SORCS1: variants seen among roughly 807,000 people sequenced by gnomAD.
SORCS1 encodes sortilin related VPS10 domain containing receptor 1.
A neutral mutation model predicts 146.1 loss-of-function variants in SORCS1; 60 were observed. The ratio of observed to expected loss-of-function variants is 0.41; its 90% CI spans 0.33 to 0.51. The LOEUF (loss-of-function observed/expected upper bound fraction) is 0.51, where lower values mean the gene tolerates loss of function less well. Among genes scored for constraint, SORCS1 ranks in the 20% least tolerant of loss-of-function variants. The probability of loss-of-function intolerance (pLI) is 0.21; values close to 1 mark genes in which losing one functional copy is unlikely to be tolerated. For synonymous variants in SORCS1, 637 were observed against 584.0 expected (o/e 1.09, Z -1.31); for missense variants, 1,352 against 1,487.6 (o/e 0.91, Z 1.50).
At chr10:107,082,492 T>A (rs1378805005) in intron 1 of SORCS1, among the ~76,000 whole-genome samples, 1 of 152,142 alleles carries the variant, frequency 6.6e-6, no homozygotes, top group Non-Finnish European at 1.5e-5. Context: ...TTTTTGTTTT[T>A]TTAGAGACAG....
At chr10:106,938,708 A>G (rs1180018224) in intron 2 of SORCS1, among the ~76,000 whole-genome samples, 1 of 152,256 alleles carries the variant, frequency 6.6e-6, no homozygotes. Context: ...AACTACTCAA[A>G]TAAACAAACA....
chr10:106,854,418 T>C (rs1353081664), intron 2 of SORCS1, among the ~76,000 whole-genome samples: 1 of 152,042 alleles, frequency 6.6e-6, no homozygotes, highest in African/African-American at 2.4e-5. Context: ...AATCTCTGTC[T>C]TAATTGGTAT....
rs59361215 is a variant in SORCS1 at position 107,040,248 on chromosome 10, T to G, written c.559-83668A>C. ...TGCTTTAACTAATGGCCCAGGGTTT[T>G]GGGGTTTTTTTAGTTTTCTTCTTGC... On this transcript the variant is annotated intron_variant, in intron 1 of 25. Transcript: ENST00000263054. 7.2e-5 allele frequency among the ~76,000 whole-genome samples: 11 copies of G among 152,290 alleles called. No individual in the cohort carries two copies. The East Asian group carries it at 2.1e-3, about 29-fold the overall frequency.
At chr10:106,999,907 G>C (rs1957147479) in intron 1 of SORCS1, among the ~76,000 whole-genome samples, 2 of 150,052 alleles carry the variant, frequency 1.3e-5, no homozygotes, top group South Asian at 2.1e-4. Context: ...AATATACCTG[G>C]ATCATGGTTT....
intron 23 of SORCS1, among the ~76,000 whole-genome samples, chr10:106,597,758 T>C (rs748593953): frequency 6.6e-6 from 1 of 152,218 alleles, no homozygotes; most frequent in African/African-American, 2.4e-5. Flanking sequence ...GAGAGAACAT[T>C]TGTTATGCAT....
At chr10:106,671,496 T>G in intron 15 of SORCS1, 129 bp from the exon 16 acceptor site, 5 of 1,329,754 alleles carry the variant, frequency 3.8e-6, no homozygotes, top group Non-Finnish European at 5.2e-6. Flanking sequence ...CTCTTTGTGC[T>G]AACAACATTT....
At chr10:107,120,855 G>A (rs1966363932) in intron 1 of SORCS1, among the ~76,000 whole-genome samples, 1 of 152,106 alleles carries the variant, frequency 6.6e-6, no homozygotes, top group Non-Finnish European at 1.5e-5. Context: ...AGACCACAGT[G>A]AGGAAATCCC....
intron 17 of SORCS1, among the ~76,000 whole-genome samples, chr10:106,667,474 TTC>T (rs1462584863): frequency 6.6e-6 from 1 of 152,200 alleles, no homozygotes; most frequent in African/African-American, 2.4e-5. Context: ...CAAGAAACAT[TTC>T]TCTTTTTTCA....
chr10:106,868,449 T>C (rs1950298133), intron 2 of SORCS1, among the ~76,000 whole-genome samples: 1 of 152,124 alleles, frequency 6.6e-6, no homozygotes, highest in African/African-American at 2.4e-5. Context: ...TAACTGGACA[T>C]AAAACAATCC....
At chr10:106,961,462 T>C (rs543703787) in intron 1 of SORCS1, among the ~76,000 whole-genome samples, 9 of 152,358 alleles carry the variant, frequency 5.9e-5, no homozygotes, top group African/African-American at 2.2e-4. Flanking sequence ...AATTTTTCTA[T>C]GCTTTTCTAA....
rs936156448 is a variant in SORCS1 at position 106,643,411 on chromosome 10, G to A, written c.2475+8971C>T. ...AATCACGTGCACCTCCCGTGCCTAC[G>A]TATATAATCCAGAGGGTCATAGAGA... is the stretch of plus-strand genomic sequence containing the variant. On this transcript the variant is annotated intron_variant, in intron 18 of 25. Coordinates refer to ENST00000263054, the MANE Select transcript of SORCS1 (RefSeq NM_052918.5). 7.2e-5 allele frequency among the ~76,000 whole-genome samples: 11 copies of A among 152,200 alleles called. No individual in the cohort carries two copies. In the South Asian group the frequency reaches 1.2e-3, roughly 17 times the overall value.
At chr10:106,821,839 G>A (rs1184303206) in intron 3 of SORCS1, among the ~76,000 whole-genome samples, 4 of 151,944 alleles carry the variant, frequency 2.6e-5, no homozygotes, top group East Asian at 3.9e-4. Context: ...GGAGAATGGC[G>A]TGACCCTGGG....
intron 19 of SORCS1, among the ~76,000 whole-genome samples, chr10:106,626,885 G>C (rs1184686239): frequency 6.6e-6 from 1 of 152,136 alleles, no homozygotes; most frequent in Non-Finnish European, 1.5e-5. Context: ...ATTATATGAG[G>C]CATGCTTATC....
At chr10:106,597,678 G>A (rs578110617) in intron 23 of SORCS1, among the ~76,000 whole-genome samples, 1 of 152,222 alleles carries the variant, frequency 6.6e-6, no homozygotes, top group Non-Finnish European at 1.5e-5. Context: ...GAAACTATTA[G>A]TGAATGAAAA....
chr10:106,921,533 G>A (rs1336621), intron 2 of SORCS1, among the ~76,000 whole-genome samples: 79,590 of 151,962 alleles, frequency 0.52, 22,423 homozygotes, highest in Non-Finnish European at 0.63. Flanking sequence ...AGCGCAAATC[G>A]TATTAAACAG....
At chr10:106,756,975 G>A (rs1363836397) in intron 5 of SORCS1, among the ~76,000 whole-genome samples, 2 of 152,132 alleles carry the variant, frequency 1.3e-5, no homozygotes, top group African/African-American at 4.8e-5. Flanking sequence ...ATTTGAGACT[G>A]AGCCCCCGTC....
At position 106,912,120 on chromosome 10, in the gene SORCS1, A is replaced by AC. The variant is rs1391212958; in HGVS notation, c.626+44392_626+44393insG. Among the ~76,000 whole-genome samples the AC allele has an allele frequency of 2.0e-3, 306 of 151,558 alleles. 5 individuals carry two copies. The highest frequency in any genetic ancestry group is 7.2e-3 in the African/African-American group (296 of 41,280). On this transcript the variant is annotated intron_variant, in intron 2 of 25. Coordinates refer to ENST00000263054, the MANE Select transcript of SORCS1 (RefSeq NM_052918.5). ...AGATTGAGCCTCCGTCTCAAAAAAA[A>AC]AAAACAAACAAACAAACAAACAAAA...
At chr10:106,582,759 T>A (rs1427942186) in intron 24 of SORCS1, among the ~76,000 whole-genome samples, 1 of 152,208 alleles carries the variant, frequency 6.6e-6, no homozygotes, top group Non-Finnish European at 1.5e-5. Context: ...GACTCAACAT[T>A]TTTAAGCCTG....
intron 1 of SORCS1, among the ~76,000 whole-genome samples, chr10:107,078,160 C>A (rs569373188): frequency 6.6e-6 from 1 of 152,226 alleles, no homozygotes; most frequent in Admixed American, 6.5e-5. Context: ...TACTTTGGGA[C>A]AGTGGGTCTA....
Sources: gnomAD v4.1 joint callset for allele counts (sites outside exome capture counted in the v4.1 genomes callset) on GRCh38, gnomAD v4.1.1 for gene constraint, MANE v1.5 for transcripts, NCBI Gene and HGNC (gene_info 2026-07-23, HGNC 2026-07-21) for gene names.